Variants in TLE4 observed in about 807,000 individuals in gnomAD.
TLE4 encodes TLE family member 4, transcriptional corepressor, also known as transducin-like enhancer protein 4.
In TLE4, 8 loss-of-function variants were observed where a neutral mutation model predicts 92.8. The observed-to-expected ratio is 0.09, with a 90% CI of 0.05 to 0.16. The LOEUF is 0.16. TLE4 is among the 10% of genes least tolerant of loss of function. The probability of loss-of-function intolerance (pLI) is 1.00; values close to 1 mark genes in which losing one functional copy is unlikely to be tolerated. For missense variants in TLE4, 675 were observed against 997.6 expected (o/e 0.68, Z 4.36); for synonymous variants, 371 against 374.1 (o/e 0.99, Z 0.10).
chr9:79,586,936 A>G (rs1353778321), intron 4 of TLE4, among the ~76,000 whole-genome samples: 1 of 152,118 alleles, frequency 6.6e-6, no homozygotes, highest in African/African-American at 2.4e-5. Flanking sequence ...CAACTCAAGC[A>G]TTTCCCTTTT....
At chr9:79,595,796 G>C (rs2043806029) in intron 4 of TLE4, among the ~76,000 whole-genome samples, 1 of 151,598 alleles carries the variant, frequency 6.6e-6, no homozygotes, top group South Asian at 2.1e-4. Context: ...AAATTCTTCT[G>C]AGTGCTTCTA....
At chr9:79,643,965 T>C (rs2057651494) in intron 6 of TLE4, among the ~76,000 whole-genome samples, 1 of 152,196 alleles carries the variant, frequency 6.6e-6, no homozygotes, top group African/African-American at 2.4e-5. Flanking sequence ...GGGCTTCTGG[T>C]ACCTTTCCTT....
intron 6 of TLE4, among the ~76,000 whole-genome samples, chr9:79,637,112 A>G (rs1049380585): frequency 2.9e-5 from 3 of 102,306 alleles, no homozygotes; most frequent in African/African-American, 2.0e-4. Flanking sequence ...TTTGACGTTA[A>G]TGGAATTTTT....
intron 4 of TLE4, among the ~76,000 whole-genome samples, chr9:79,585,102 A>T (rs995839117): frequency 2.6e-5 from 4 of 152,222 alleles, no homozygotes; most frequent in Non-Finnish European, 4.4e-5. Flanking sequence ...TCAAGGGACA[A>T]GGAATTTTGA....
At chr9:79,679,380 G>A (rs1251132924) in intron 8 of TLE4, among the ~76,000 whole-genome samples, 2 of 152,122 alleles carry the variant, frequency 1.3e-5, no homozygotes, top group Admixed American at 6.6e-5. Context: ...GTGATGATGA[G>A]CATTTTTTCA....
chr9:79,683,584 T>C (rs552867026), intron 8 of TLE4, among the ~76,000 whole-genome samples: 2 of 152,364 alleles, frequency 1.3e-5, no homozygotes, highest in South Asian at 4.1e-4. Context: ...TCTATTTTTT[T>C]CTAAATTATG....
At chr9:79,689,052 T>G (rs2066481087) in intron 8 of TLE4, among the ~76,000 whole-genome samples, 1 of 149,248 alleles carries the variant, frequency 6.7e-6, no homozygotes. Flanking sequence ...ATTTTATTAT[T>G]AGCTTGACCC....
chr9:79,683,641 T>C (rs1223930616), intron 8 of TLE4, among the ~76,000 whole-genome samples: 1 of 152,240 alleles, frequency 6.6e-6, no homozygotes, highest in Non-Finnish European at 1.5e-5. Context: ...TTTTAATCCA[T>C]GAACTGATAA....
At chr9:79,631,737 T>C (rs907190579) in intron 6 of TLE4, among the ~76,000 whole-genome samples, 3 of 151,562 alleles carry the variant, frequency 2.0e-5, no homozygotes, top group Admixed American at 1.3e-4. Context: ...TCTTTTCCGT[T>C]ATAGATTTCA....
At chr9:79,708,286 C>T (rs1350782050) in intron 12 of TLE4, 36 bp downstream of exon 12, 1 of 1,606,516 alleles carries the variant, frequency 6.2e-7, no homozygotes, top group African/African-American at 1.3e-5. Flanking sequence ...TATTTTTATG[C>T]TCGTTTTTAA....
chr9:79,679,238 A>G (rs955255256), intron 8 of TLE4, among the ~76,000 whole-genome samples: 18 of 152,250 alleles, frequency 1.2e-4, no homozygotes, highest in South Asian at 2.1e-4. Context: ...AGTCCCACCA[A>G]TAGTGTAAAA....
chr9:79,603,003 C>T (rs1372756354), intron 4 of TLE4, among the ~76,000 whole-genome samples: 2 of 152,006 alleles, frequency 1.3e-5, no homozygotes, highest in African/African-American at 4.8e-5. Context: ...TGAGGATGTT[C>T]TTTGGGGGTG....
intron 7 of TLE4, 106 bp downstream of exon 7, chr9:79,652,900 T>C: frequency 8.5e-7 from 1 of 1,179,768 alleles, no homozygotes; most frequent in African/African-American, 1.5e-5. Context: ...TACCAGTGAC[T>C]AAACAAAGGA....
chr9:79,606,187 GTTTTTTTTTTTTT>G (rs71364420), intron 4 of TLE4, among the ~76,000 whole-genome samples: 661 of 28,688 alleles, frequency 0.023, 16 homozygotes, highest in Admixed American at 0.1. Context: ...AGTAGTAGTT[GTTTTTTTTTTTTT>G]TTTTTTTTTT....
At chr9:79,666,483 C>T (rs1016287003) in intron 8 of TLE4, among the ~76,000 whole-genome samples, 91 of 152,284 alleles carry the variant, frequency 6.0e-4, no homozygotes, top group African/African-American at 2.2e-3. Context: ...AGGCGATCCA[C>T]CCACCTCAGC....
chr9:79,682,741 GA>G (rs2135326864), intron 8 of TLE4, among the ~76,000 whole-genome samples: 1 of 152,280 alleles, frequency 6.6e-6, no homozygotes, highest in East Asian at 1.9e-4. Flanking sequence ...TCATGAGAAT[GA>G]AAATGCTCAA....
chr9:79,628,906 G>A (rs1052269864), intron 6 of TLE4, among the ~76,000 whole-genome samples: 133 of 148,156 alleles, frequency 9.0e-4, no homozygotes, highest in African/African-American at 2.4e-3. Context: ...GTGTGTGTGT[G>A]TGTATATGTA....
intron 6 of TLE4, among the ~76,000 whole-genome samples, chr9:79,637,708 A>G (rs1167713952): frequency 6.6e-6 from 1 of 152,224 alleles, no homozygotes; most frequent in Admixed American, 6.5e-5. Context: ...CTTATGAACA[A>G]GAACTGAAAG....
intron 6 of TLE4, among the ~76,000 whole-genome samples, chr9:79,634,513 G>T (rs999604278): frequency 2.6e-5 from 4 of 152,118 alleles, no homozygotes; most frequent in Non-Finnish European, 5.9e-5. Context: ...GACGTAATCT[G>T]CAAAAAGTAA....
Sources: allele counts gnomAD v4.1 joint callset (sites outside exome capture counted in the v4.1 genomes callset), GRCh38; gene constraint gnomAD v4.1.1; transcripts MANE v1.5; gene names NCBI Gene and HGNC (gene_info 2026-07-23, HGNC 2026-07-21).